The following KYNU variants were observed in gnomAD, a reference collection of about 807,000 sequenced individuals.
KYNU encodes L-kynurenine hydrolase.
KYNU carries 54 observed loss-of-function variants against 59.2 expected under a neutral mutation model. The ratio of observed to expected loss-of-function variants is 0.91; its 90% confidence interval spans 0.73 to 1.14. The LOEUF (loss-of-function observed/expected upper bound fraction) is 1.14. Ranked by LOEUF, KYNU falls within the 50% of genes most tolerant of loss-of-function variation. The pLI is 0.00. For synonymous variants in KYNU, 177 were observed against 192.0 expected (o/e 0.92, Z 0.65); for missense variants, 567 against 554.4 (o/e 1.02, Z -0.23).
intron 11 of KYNU, among the ~76,000 whole-genome samples, chr2:143,032,711 T>TTGTGTGTATGTGTG (rs1686787735): frequency 7.7e-6 from 1 of 129,370 alleles, no homozygotes; most frequent in South Asian, 2.6e-4. Flanking sequence ...GCTCCCTCTA[T>TTGTGTGTATGTGTG]TGTGTGTGTG....
intron 2 of KYNU, among the ~76,000 whole-genome samples, chr2:142,905,955 C>G (rs1253286611): frequency 6.6e-6 from 1 of 151,962 alleles, no homozygotes; most frequent in Non-Finnish European, 1.5e-5. Context: ...CACTGTTTTT[C>G]TTTACTACTT....
intron 6 of KYNU, among the ~76,000 whole-genome samples, chr2:142,956,507 C>A (rs1684170587): frequency 6.6e-6 from 1 of 152,076 alleles, no homozygotes; most frequent in Admixed American, 6.6e-5. Context: ...ATTTATTAGT[C>A]TTTTTAAAGA....
chr2:142,926,678 A>G (rs1683055451), intron 3 of KYNU, among the ~76,000 whole-genome samples: 1 of 152,170 alleles, frequency 6.6e-6, no homozygotes, highest in Non-Finnish European at 1.5e-5. Flanking sequence ...CCCAGGGTGG[A>G]GACTTTAGCA....
chr2:142,918,851 C>A, intron 3 of KYNU, 122 bp downstream of exon 3: 3 of 1,157,556 alleles, frequency 2.6e-6, no homozygotes, highest in Non-Finnish European at 3.8e-6. Flanking sequence ...CCCTTGGCAT[C>A]TGTGGAGGAT....
chr2:142,893,824 A>C (rs1025860310), intron 2 of KYNU, among the ~76,000 whole-genome samples: 1 of 152,130 alleles, frequency 6.6e-6, no homozygotes, highest in African/African-American at 2.4e-5. Flanking sequence ...CCTACTCTCT[A>C]AGGATATATT....
chr2:143,047,401 C>T lies in KYNU; in HGVS notation c.*5229C>T, dbSNP rs948637714. 1.3e-5 allele frequency: 2 copies of T among 152,112 alleles called. No homozygotes were observed. The highest frequency in any genetic ancestry group is 2.9e-5 in the Non-Finnish European group (2 of 68,024). The allele number at this position is 152,112 out of a possible 1,614,324, so 9.4% of individuals were successfully genotyped here. ...ATGTGTTATCTTTTATAAAATTTAACATTTAACTGATAATTGATACTGTAT... is the reference window on the plus strand; with the variant it reads ...ATGTGTTATCTTTTATAAAATTTAATATTTAACTGATAATTGATACTGTAT... On this transcript the variant is annotated 3_prime_UTR_variant, in exon 14 of 14. Transcript: ENST00000264170.
chr2:142,896,728 C>T (rs1681892235), intron 2 of KYNU, among the ~76,000 whole-genome samples: 1 of 152,078 alleles, frequency 6.6e-6, no homozygotes, highest in Non-Finnish European at 1.5e-5. Flanking sequence ...TTTAAGATAT[C>T]CTCCCACTTT....
At chr2:143,004,145 C>T (rs1384174335) in intron 10 of KYNU, among the ~76,000 whole-genome samples, 3 of 152,176 alleles carry the variant, frequency 2.0e-5, no homozygotes, top group Non-Finnish European at 2.9e-5. Context: ...TAATTTTCAA[C>T]TGTAAGGTTT....
chr2:143,007,699 A>G (rs1434958124), intron 10 of KYNU, among the ~76,000 whole-genome samples: 1 of 121,464 alleles, frequency 8.2e-6, no homozygotes, highest in South Asian at 2.9e-4. Flanking sequence ...TCAGACTAAC[A>G]GCGGATCTCT....
chr2:142,982,669 G>T (rs1158796799), intron 8 of KYNU, among the ~76,000 whole-genome samples: 3 of 152,020 alleles, frequency 2.0e-5, no homozygotes, highest in Non-Finnish European at 4.4e-5. Flanking sequence ...ATTAAACTTT[G>T]AAATTCTCTC....
At chr2:142,923,001 T>C (rs1427339601) in intron 3 of KYNU, among the ~76,000 whole-genome samples, 1 of 152,186 alleles carries the variant, frequency 6.6e-6, no homozygotes, top group Non-Finnish European at 1.5e-5. Flanking sequence ...TGTAACCTCA[T>C]GTGGCAGAAG....
In KYNU at chr2:143,001,005, A is replaced by C. The variant is rs78624822; in HGVS notation, c.902+14984A>C. On this transcript the variant is annotated intron_variant, in intron 10 of 13. Coordinates refer to ENST00000264170, the MANE Select transcript of KYNU (RefSeq NM_003937.3). ...AGTGTTTCAATCCACTTATTGCCTC[A>C]CTCATGATGGGATATGTCAGCACTT... Among the ~76,000 whole-genome samples the C allele has an allele frequency of 2.0e-3, 299 of 152,260 alleles. 9 individuals carry two copies. The East Asian group carries it at 0.054, about 27-fold the overall frequency.
At chr2:142,986,901 C>T (rs1558960808) in intron 10 of KYNU, among the ~76,000 whole-genome samples, 1 of 151,812 alleles carries the variant, frequency 6.6e-6, no homozygotes, top group South Asian at 2.1e-4. Flanking sequence ...GAGCACCTCA[C>T]ATTTCTGAAG....
intron 2 of KYNU, among the ~76,000 whole-genome samples, chr2:142,885,893 T>C (rs2104908757): frequency 6.6e-6 from 1 of 152,350 alleles, no homozygotes; most frequent in South Asian, 2.1e-4. Context: ...ATAGCTCTTA[T>C]ATTCTGGCAC....
intron 10 of KYNU, among the ~76,000 whole-genome samples, chr2:143,023,275 T>G (rs1686457988): frequency 6.6e-6 from 1 of 151,914 alleles, no homozygotes; most frequent in Non-Finnish European, 1.5e-5. Context: ...TAATTGAGTC[T>G]TTTCATTTTC....
chr2:142,952,037 A>G (rs1184275742), intron 4 of KYNU, among the ~76,000 whole-genome samples: 1 of 152,152 alleles, frequency 6.6e-6, no homozygotes, highest in African/African-American at 2.4e-5. Flanking sequence ...TGAACACTGT[A>G]TTGTTTGGAG....
At position 142,901,717 on chromosome 2, in the gene KYNU, C is replaced by T. The variant is rs191955982; in HGVS notation, c.169+16181C>T. Among the ~76,000 whole-genome samples the T allele has an allele frequency of 7.9e-4, 120 of 151,982 alleles. 1 individual carries two copies. The highest frequency in any genetic ancestry group is 1.6e-3 in the Admixed American group (24 of 15,244). The stretch of plus-strand genomic sequence containing the variant: ...TTTCCCTTTTTTTAATTCTAGTGCC[C>T]GAGTGAGGGCTATTAGTTCTGCCAG... On this transcript the variant is annotated intron_variant, in intron 2 of 13. Transcript: ENST00000264170.
intron 10 of KYNU, among the ~76,000 whole-genome samples, chr2:143,021,126 A>G (rs756255679): frequency 4.6e-5 from 7 of 152,042 alleles, no homozygotes; most frequent in Non-Finnish European, 8.8e-5. Flanking sequence ...CATTTTTCTT[A>G]GATTTTTATT....
chr2:142,923,200 C>T (rs1682940707), intron 3 of KYNU, among the ~76,000 whole-genome samples: 2 of 152,200 alleles, frequency 1.3e-5, no homozygotes, highest in Non-Finnish European at 2.9e-5. Context: ...ATTTCTAAAA[C>T]TTACACTTAT....
Sources: allele counts gnomAD v4.1 joint callset (sites outside exome capture counted in the v4.1 genomes callset), GRCh38; gene constraint gnomAD v4.1.1; transcripts MANE v1.5; gene names NCBI Gene and HGNC (gene_info 2026-07-23, HGNC 2026-07-21).